HTT: variants seen among roughly 807,000 people sequenced by gnomAD.
HTT encodes the protein huntingtin, also known as huntington disease protein.
HTT carries 104 observed loss-of-function variants against 362.3 expected under a neutral mutation model. That is an observed-to-expected ratio of 0.29 (90% CI 0.24 to 0.34). HTT has a LOEUF of 0.34. HTT is among the 10% of genes least tolerant of loss of function. HTT has a pLI of 1.00. For synonymous variants in HTT, 1,577 were observed against 1,548.7 expected (o/e 1.02, Z -0.43); for missense variants, 3,301 against 3,928.6 (o/e 0.84, Z 4.27).
In HTT at chr4:3,243,476, C is replaced by T. The variant is rs1056269297; in HGVS notation, c.*3417C>T. On this transcript the variant is annotated 3_prime_UTR_variant, in exon 67 of 67. Transcript: ENST00000355072. Reference sequence around the variant, plus strand: ...TCAGGATGGCTCAGACGAGGACACTCGCTTGCCGGGCCTGGGCCTCCTGGG... The same window carrying T: ...TCAGGATGGCTCAGACGAGGACACTTGCTTGCCGGGCCTGGGCCTCCTGGG... 3 of 152,352 alleles carry T rather than the reference C, an allele frequency of 2.0e-5. No homozygotes were observed. Among genetic ancestry groups the T allele is most frequent in the African/African-American group, 7.2e-5 (3 of 41,458 alleles). The allele number at this position is 152,352 out of a possible 1,614,324, so 9.4% of individuals were successfully genotyped here.
intron 19 of HTT, among the ~76,000 whole-genome samples, chr4:3,135,479 C>A (rs892732900): frequency 6.6e-6 from 1 of 150,910 alleles, no homozygotes; most frequent in African/African-American, 2.4e-5. Context: ...TTTTATAGAG[C>A]CCTTGTGGGT....
At chr4:3,212,238 T>C (rs1720193589) in intron 48 of HTT, 96 bp downstream of exon 48, 1 of 958,036 alleles carries the variant, frequency 1.0e-6, no homozygotes, top group Non-Finnish European at 1.5e-6. Flanking sequence ...GCAGTGGATC[T>C]AATACATTGA....
intron 28 of HTT, among the ~76,000 whole-genome samples, chr4:3,157,509 C>G (rs1378190760): frequency 6.6e-6 from 1 of 152,084 alleles, no homozygotes; most frequent in African/African-American, 2.4e-5. Context: ...GGCTTCCTTC[C>G]CTCCCGTGAG....
chr4:3,118,274 A>G (rs1715127656), intron 8 of HTT, among the ~76,000 whole-genome samples: 1 of 152,188 alleles, frequency 6.6e-6, no homozygotes, highest in Non-Finnish European at 1.5e-5. Flanking sequence ...TATTGAAACT[A>G]TATGCTCAAT....
intron 6 of HTT, among the ~76,000 whole-genome samples, chr4:3,109,752 G>C (rs1714639149): frequency 6.6e-6 from 1 of 152,120 alleles, no homozygotes; most frequent in Non-Finnish European, 1.5e-5. Context: ...CTGGGGAGGA[G>C]GAGGAGGACA....
At chr4:3,166,701 C>T (rs1013063230) in intron 29 of HTT, among the ~76,000 whole-genome samples, 10 of 152,368 alleles carry the variant, frequency 6.6e-5, no homozygotes, top group East Asian at 3.9e-4. Flanking sequence ...CAGAGTGCTG[C>T]GCTAGCAGTG....
chr4:3,205,654 A>G (rs1255022064), intron 42 of HTT, among the ~76,000 whole-genome samples: 2 of 152,206 alleles, frequency 1.3e-5, no homozygotes, highest in African/African-American at 4.8e-5. Flanking sequence ...GGAAATGTTC[A>G]TTGGAAGGTT....
At chr4:3,188,923 C>A (rs948103147) in intron 39 of HTT, 28 bp from the exon 40 acceptor site, 2 of 1,609,930 alleles carry the variant, frequency 1.2e-6, no homozygotes, top group Non-Finnish European at 1.7e-6. Context: ...TCACCTAATT[C>A]ACTGTCATCT....
chr4:3,115,898 T>C (rs1714997972), intron 7 of HTT, among the ~76,000 whole-genome samples, 187 bp from the exon 8 acceptor site: 1 of 152,232 alleles, frequency 6.6e-6, no homozygotes, highest in South Asian at 2.1e-4. Context: ...TGAGGCTCTC[T>C]GGAAAGGACC....
At chr4:3,179,419 G>T (rs1277692966) in intron 35 of HTT, among the ~76,000 whole-genome samples, 2 of 152,180 alleles carry the variant, frequency 1.3e-5, no homozygotes, top group Admixed American at 6.5e-5. Context: ...CTGTGAGAGG[G>T]TCAGAGAGTA....
chr4:3,085,095 C>T (rs1052850911), intron 1 of HTT, among the ~76,000 whole-genome samples: 27 of 151,390 alleles, frequency 1.8e-4, no homozygotes, highest in African/African-American at 6.3e-4. Context: ...TGTGCCCGTG[C>T]AGATTGCTTG....
intron 6 of HTT, among the ~76,000 whole-genome samples, chr4:3,108,710 A>C (rs1330806935): frequency 6.6e-6 from 1 of 152,212 alleles, no homozygotes; most frequent in Admixed American, 6.5e-5. Flanking sequence ...CATTAAAAAA[A>C]ATCTATTCTG....
At chr4:3,229,827 G>C in intron 59 of HTT, 60 bp from the exon 60 acceptor site, 1 of 1,569,390 alleles carries the variant, frequency 6.4e-7, no homozygotes, top group Non-Finnish European at 8.8e-7. Flanking sequence ...TTCTGGATGC[G>C]TTGCCTGGAT....
At chr4:3,139,197 TTTTG>T (rs369593868) in intron 21 of HTT, among the ~76,000 whole-genome samples, 28 of 152,268 alleles carry the variant, frequency 1.8e-4, no homozygotes, top group African/African-American at 5.5e-4. Context: ...AGCAACTTCT[TTTTG>T]TTTGTTTGTT....
chr4:3,232,145 C>T (rs1049880929), intron 60 of HTT, among the ~76,000 whole-genome samples: 1 of 152,066 alleles, frequency 6.6e-6, no homozygotes, highest in South Asian at 2.1e-4. Flanking sequence ...GGCCGTGTGG[C>T]GTTGTGCGTG....
At chr4:3,220,750 C>T (rs184584590) in intron 53 of HTT, among the ~76,000 whole-genome samples, 14 of 152,186 alleles carry the variant, frequency 9.2e-5, no homozygotes, top group Non-Finnish European at 1.9e-4. Context: ...TCTTGGCACT[C>T]GCCTTCCCCA....
intron 29 of HTT, among the ~76,000 whole-genome samples, chr4:3,166,850 T>G (rs971971911): frequency 3.3e-5 from 5 of 152,368 alleles, no homozygotes; most frequent in African/African-American, 1.2e-4. Flanking sequence ...CACTCATGGC[T>G]TCCTTTGGCT....
chr4:3,161,916 C>G (rs974249845), intron 29 of HTT, among the ~76,000 whole-genome samples: 2 of 152,118 alleles, frequency 1.3e-5, no homozygotes, highest in East Asian at 1.9e-4. Context: ...TGCAGAAGCT[C>G]TTTAGTTTAA....
chr4:3,172,100 A>G (rs1718009326), intron 29 of HTT, among the ~76,000 whole-genome samples: 1 of 152,258 alleles, frequency 6.6e-6, no homozygotes, highest in Non-Finnish European at 1.5e-5. Context: ...GAATGAACAG[A>G]TACATAAATG....
Sources: allele counts gnomAD v4.1 joint callset (sites outside exome capture counted in the v4.1 genomes callset), GRCh38; gene constraint gnomAD v4.1.1; transcripts MANE v1.5; gene names NCBI Gene and HGNC (gene_info 2026-07-23, HGNC 2026-07-21).